The following ABR variants were observed in gnomAD, a reference collection of about 807,000 sequenced individuals.
ABR encodes active breakpoint cluster region-related protein.
In ABR, 35 loss-of-function variants were observed where a neutral mutation model predicts 107.2. The ratio of observed to expected loss-of-function variants is 0.33; its 90% CI spans 0.25 to 0.43. ABR has a LOEUF of 0.43. Ranked by LOEUF, ABR falls within the 20% of genes least tolerant of loss-of-function variation. The pLI, the probability that ABR is intolerant of heterozygous loss-of-function variation, is 1.00. For synonymous variants in ABR, 498 were observed against 462.0 expected, an observed-to-expected ratio of 1.08 and a Z score of -1.00; for missense variants, 815 against 1,115.2, an observed-to-expected ratio of 0.73 and a Z score of 3.83.
rs1038339596 is a variant in ABR, at chr17:1,010,558, T to A, written c.2236+171A>T. ...GAAAGGGCCCAGTGTCTGCACCAGG[T>A]CCCAGCAGGCCACACCTCACCCTCG... On this transcript the variant is annotated intron_variant, in intron 20 of 22. Transcript: ENST00000302538. The surrounding 1 kb of genome is among the most constrained non-coding windows in gnomAD (Gnocchi z 4.1). The A allele has an allele frequency of 4.9e-6, 4 of 820,430 alleles. No homozygotes were observed. Among genetic ancestry groups the A allele is most frequent in the Admixed American group, 2.9e-5 (1 of 34,728 alleles). 50.8% of individuals were successfully genotyped at this position (820,430 alleles called of 1,614,324 possible). A position where few individuals can be genotyped will look rare whatever the true frequency, so the allele number is the denominator to read the frequency against.
At chr17:1,203,617 C>T (rs929550437) in intron 1 of ABR, among the ~76,000 whole-genome samples, 2 of 144,392 alleles carry the variant, frequency 1.4e-5, no homozygotes, top group African/African-American at 5.7e-5. Context: ...AGTCACCGCC[C>T]GCCGCCGCTG....
chr17:1,087,619 T>C (rs186659663), intron 4 of ABR, among the ~76,000 whole-genome samples: 1 of 152,146 alleles, frequency 6.6e-6, no homozygotes, highest in East Asian at 1.9e-4. Context: ...GGAGTTTATT[T>C]CCTTTTCCAG....
rs2037109503 is a variant in ABR, at chr17:1,092,625, A to T, written c.346-775T>A. 1.3e-5 allele frequency among the ~76,000 whole-genome samples: 2 copies of T among 152,126 alleles called. No homozygotes were observed. The highest frequency in any genetic ancestry group is 4.1e-4 in the South Asian group (2 of 4,828). ...AGCCTAGCAGTGGGACCGTGGGATA[A>T]CGGGACGTGCAGGCATTTCCTCAGT... On this transcript the variant is annotated intron_variant, in intron 3 of 22. Transcript: ENST00000302538. This position sits in a 1 kb window ranked among gnomAD's most constrained non-coding sequence, Gnocchi z 4.6.
intron 1 of ABR, among the ~76,000 whole-genome samples, chr17:1,222,455 T>G (rs2043136625): frequency 6.6e-6 from 1 of 152,092 alleles, no homozygotes; most frequent in African/African-American, 2.4e-5. Context: ...ATCCTTCAAA[T>G]TAAGTTACTC....
chr17:1,105,857 C>T (rs916448506), intron 2 of ABR, among the ~76,000 whole-genome samples: 2 of 147,662 alleles, frequency 1.4e-5, no homozygotes, highest in Admixed American at 1.4e-4. Flanking sequence ...CAGAGTGAGA[C>T]TCTGTCTCAA....
intron 1 of ABR, among the ~76,000 whole-genome samples, chr17:1,219,168 G>A (rs887186790): frequency 2.6e-5 from 4 of 151,976 alleles, no homozygotes; most frequent in African/African-American, 9.7e-5. Flanking sequence ...TCAGCCTCTC[G>A]AGTAGCTGGG....
At chr17:1,116,619 C>T (rs1292132478) in intron 2 of ABR, among the ~76,000 whole-genome samples, 1 of 152,156 alleles carries the variant, frequency 6.6e-6, no homozygotes, top group African/African-American at 2.4e-5. Flanking sequence ...CGGGAGCCAG[C>T]GATGACGGGA....
intron 1 of ABR, among the ~76,000 whole-genome samples, chr17:1,162,328 T>C (rs899851638): frequency 1.4e-4 from 21 of 152,298 alleles, no homozygotes; most frequent in African/African-American, 4.1e-4. Flanking sequence ...CAGGAGAGAC[T>C]CGGCAAGAAC....
In ABR at chr17:1,010,695, C is replaced by T. The variant is rs2070459706; in HGVS notation, c.2236+34G>A. 6.2e-7 allele frequency: 1 copy of T among 1,609,770 alleles called. No homozygotes were observed. Reference sequence around the variant, plus strand: ...GGCAGGGAGTCCTGGCTCAGTCTGGCCCAGCCCAGTCCTAGGAGCCCTCAG... The same window carrying T: ...GGCAGGGAGTCCTGGCTCAGTCTGGTCCAGCCCAGTCCTAGGAGCCCTCAG... On this transcript the variant is annotated intron_variant, in intron 20 of 22. Coordinates refer to ENST00000302538, the MANE Select transcript of ABR (RefSeq NM_021962.5). The surrounding 1 kb of genome is among the most constrained non-coding windows in gnomAD (Gnocchi z 4.1).
intron 10 of ABR, among the ~76,000 whole-genome samples, chr17:1,062,231 CGCTGCTGTT>C (rs2034054264): frequency 7.0e-6 from 1 of 143,720 alleles, no homozygotes. Context: ...TTCCTCTAGA[CGCTGCTGTT>C]ATGTGAACTG....
At chr17:1,171,823 G>A (rs1402150963) in intron 1 of ABR, among the ~76,000 whole-genome samples, 2 of 152,110 alleles carry the variant, frequency 1.3e-5, no homozygotes, top group African/African-American at 2.4e-5. Context: ...CCAGCTACTC[G>A]GGAGGCTGAG....
In ABR at chr17:1,150,077, C is replaced by T. The variant is rs1244074260; in HGVS notation, c.62-24710G>A. ...GCTGTTGTCCCTGTTGTTATGATTTCTCCCCATAGTCCCGGCCTGGGAGAG... is the reference window on the plus strand; with the variant it reads ...GCTGTTGTCCCTGTTGTTATGATTTTTCCCCATAGTCCCGGCCTGGGAGAG... On this transcript the variant is annotated intron_variant, in intron 1 of 22. Coordinates refer to ENST00000302538, the MANE Select transcript of ABR (RefSeq NM_021962.5). This position sits in a 1 kb window ranked among gnomAD's most constrained non-coding sequence, Gnocchi z 4.8. Among the ~76,000 whole-genome samples the T allele has an allele frequency of 1.3e-5, 2 of 152,064 alleles. No individual in the cohort carries two copies. The highest frequency in any genetic ancestry group is 2.4e-5 in the African/African-American group (1 of 41,412).
In ABR at chr17:1,196,856, G is replaced by A. The variant is rs370164017; in HGVS notation, c.838+31937C>T. Among the ~76,000 whole-genome samples the A allele has an allele frequency of 5.9e-5, 9 of 152,048 alleles. No individual in the cohort carries two copies. The South Asian group carries it at 6.2e-4, about 11-fold the overall frequency. On this transcript the variant is annotated intron_variant, in intron 1 of 22. Transcript: ENST00000574139. ...ACTACAGGCGCCCACCACCGTGCCC[G>A]GCTAATTTTTTGTATTTTTAGTAGA...
intron 1 of ABR, among the ~76,000 whole-genome samples, chr17:1,152,795 A>G (rs951605418): frequency 6.6e-6 from 1 of 151,616 alleles, no homozygotes; most frequent in Non-Finnish European, 1.5e-5. Flanking sequence ...GTGGTTAACA[A>G]AAAAAATTCT....
chr17:1,031,624 C>G, intron 16 of ABR: 1 of 1,246,970 alleles, frequency 8.0e-7, no homozygotes, highest in Non-Finnish European at 1.0e-6. Flanking sequence ...TTGTTGCGCA[C>G]GCGGCCCCAG....
rs895004380 is a variant in ABR at position 1,005,999 on chromosome 17, A to G, written c.*81T>C. 2.1e-5 allele frequency: 27 copies of G among 1,287,072 alleles called. No homozygotes were observed. The highest frequency in any genetic ancestry group is 2.5e-5 in the South Asian group (2 of 78,728). 79.7% of individuals were successfully genotyped at this position (1,287,072 alleles called of 1,614,324 possible). Reference sequence around the variant, plus strand: ...GGAGTGCTGGGTTTGGGAGTTTTCTATTGCAGTCTTTCAAGTCTGAGTTGG... The same window carrying G: ...GGAGTGCTGGGTTTGGGAGTTTTCTGTTGCAGTCTTTCAAGTCTGAGTTGG... On this transcript the variant is annotated 3_prime_UTR_variant, in exon 23 of 23. Transcript: ENST00000302538.
intron 16 of ABR, among the ~76,000 whole-genome samples, chr17:1,021,945 G>C (rs1435720226): frequency 1.3e-5 from 2 of 151,522 alleles, no homozygotes; most frequent in African/African-American, 4.9e-5. Context: ...GATCACTCGA[G>C]CTCAGGAGTT....
chr17:1,135,377 C>CTTTT (rs71148437), intron 1 of ABR, among the ~76,000 whole-genome samples: 7 of 51,380 alleles, frequency 1.4e-4, no homozygotes, highest in African/African-American at 3.0e-4. Flanking sequence ...TTCTTTTTGT[C>CTTTT]TTTTTTTTTT....
intron 1 of ABR, among the ~76,000 whole-genome samples, chr17:1,221,052 TTG>T (rs2043111928): frequency 6.6e-6 from 1 of 152,194 alleles, no homozygotes; most frequent in Admixed American, 6.5e-5. Flanking sequence ...AATAAGACAA[TTG>T]TGCCGTGTGG....
Sources: allele counts gnomAD v4.1 joint callset (sites outside exome capture counted in the v4.1 genomes callset), GRCh38; gene constraint gnomAD v4.1.1; non-coding constraint Gnocchi (gnomAD v3.1); transcripts MANE v1.5; gene names NCBI Gene and HGNC (gene_info 2026-07-23, HGNC 2026-07-21).